The following TBL1XR1 variants were observed in gnomAD, a reference collection of about 807,000 sequenced individuals.
TBL1XR1 encodes TBL1X/Y related 1.
In TBL1XR1, 5 loss-of-function variants were observed where a neutral mutation model predicts 66.9. The observed-to-expected ratio is 0.07, with a 90% confidence interval of 0.04 to 0.16. The LOEUF (loss-of-function observed/expected upper bound fraction) is 0.16. TBL1XR1 is among the 10% of genes least tolerant of loss of function. TBL1XR1 has a pLI of 1.00. For missense variants in TBL1XR1, 238 were observed against 623.2 expected, an observed-to-expected ratio of 0.38 and a Z score of 6.58; for synonymous variants, 210 against 206.0, an observed-to-expected ratio of 1.02 and a Z score of -0.17.
upstream of TBL1XR1, among the ~76,000 whole-genome samples, chr3:177,198,653 G>C (rs1197008763): frequency 6.6e-6 from 1 of 152,136 alleles, no homozygotes; most frequent in Non-Finnish European, 1.5e-5. Context: ...GCTCAGGACT[G>C]GAGAAGCAGC....
intron 3 of TBL1XR1, among the ~76,000 whole-genome samples, chr3:177,064,113 T>C (rs1208717006): frequency 6.6e-6 from 1 of 152,206 alleles, no homozygotes; most frequent in East Asian, 1.9e-4. Flanking sequence ...ACCAAAATTA[T>C]CTTTTTTATG....
At chr3:177,143,482 T>A (rs1291393055) in intron 1 of TBL1XR1, among the ~76,000 whole-genome samples, 1 of 152,242 alleles carries the variant, frequency 6.6e-6, no homozygotes, top group Non-Finnish European at 1.5e-5. Context: ...TTTTTTACAG[T>A]ACGTGAAGTG....
intron 1 of TBL1XR1, among the ~76,000 whole-genome samples, chr3:177,178,809 TTTC>T (rs1734456351): frequency 6.6e-6 from 1 of 152,036 alleles, no homozygotes; most frequent in Non-Finnish European, 1.5e-5. Context: ...ACTGCTGTGG[TTTC>T]TTTTCTTTTA....
In TBL1XR1 at chr3:177,098,335, T is replaced by A. The variant is rs565501329; in HGVS notation, c.-46+131A>T. On this transcript the variant is annotated intron_variant, in intron 2 of 15. Transcript: ENST00000457928. ...ATATATTTAAAAAGAATAAAAAATT[T>A]AAAAAAAAAACACTTACTTAGCTTG... The A allele has an allele frequency of 3.2e-3, 940 of 292,166 alleles. 1 individual carries two copies. Among genetic ancestry groups the A allele is most frequent in the Non-Finnish European group, 4.1e-3 (810 of 197,520 alleles). 18.1% of individuals were successfully genotyped at this position (292,166 alleles called of 1,614,324 possible).
rs148798243 is a variant in TBL1XR1, at chr3:177,047,746, G to A, written c.703-197C>T. 9.0e-5 allele frequency: 51 copies of A among 567,010 alleles called. No individual in the cohort carries two copies. In the Middle Eastern group the frequency reaches 1.5e-3, roughly 16 times the overall value. 35.1% of individuals were successfully genotyped at this position (567,010 alleles called of 1,614,324 possible). ...CCACTGTGTGACACTAATGTTGTAT[G>A]GGGGCCTTATATCCAAAGTTCAACA... On this transcript the variant is annotated intron_variant, in intron 7 of 15. Transcript: ENST00000457928.
Position 177,186,351 on chromosome 3 carries a change from G to A in TBL1XR1, c.-122+10770C>T, listed in dbSNP as rs192979442. ...AAGAGCACTGCTACAGCTACAAATC[G>A]TATCCTAAAATCCTTATTTTTTATA... On this transcript the variant is annotated intron_variant, in intron 1 of 15. Coordinates refer to ENST00000457928, the MANE Select transcript of TBL1XR1 (RefSeq NM_024665.7). 1.6e-3 allele frequency among the ~76,000 whole-genome samples: 248 copies of A among 152,192 alleles called. 1 individual carries two copies. The highest frequency in any genetic ancestry group is 5.4e-3 in the African/African-American group (226 of 41,530).
intron 2 of TBL1XR1, among the ~76,000 whole-genome samples, chr3:177,066,907 C>G (rs1719239054): frequency 6.6e-6 from 1 of 152,140 alleles, no homozygotes; most frequent in Non-Finnish European, 1.5e-5. Flanking sequence ...AAGGTACCCT[C>G]TTCACCAAAA....
chr3:177,140,322 A>T (rs1276294080), intron 1 of TBL1XR1, among the ~76,000 whole-genome samples: 1 of 152,176 alleles, frequency 6.6e-6, no homozygotes, highest in Non-Finnish European at 1.5e-5. Context: ...AAGTACCTTG[A>T]ACGTATATTC....
intron 2 of TBL1XR1, among the ~76,000 whole-genome samples, chr3:177,096,741 T>C (rs183499744): frequency 1.3e-5 from 2 of 152,336 alleles, no homozygotes; most frequent in Admixed American, 1.3e-4. Flanking sequence ...TGAGAAACTC[T>C]AGTACTCCCT....
chr3:177,035,382 G>A (rs1388381771), intron 12 of TBL1XR1, among the ~76,000 whole-genome samples: 1 of 147,684 alleles, frequency 6.8e-6, no homozygotes, highest in African/African-American at 2.5e-5. Context: ...TTCTTACTCT[G>A]TACTACCTAC....
chr3:177,096,717 A>ATC (rs1273934562), intron 2 of TBL1XR1, among the ~76,000 whole-genome samples: 1 of 152,220 alleles, frequency 6.6e-6, no homozygotes, highest in Non-Finnish European at 1.5e-5. Flanking sequence ...TTTACCATGA[A>ATC]TCTGTTTCTT....
chr3:177,117,187 G>A (rs890659941), intron 1 of TBL1XR1, among the ~76,000 whole-genome samples: 1 of 152,174 alleles, frequency 6.6e-6, no homozygotes, highest in East Asian at 1.9e-4. Flanking sequence ...ATAATCTATA[G>A]TGGGTACTGG....
At chr3:177,181,387 T>C (rs2108969205) in intron 1 of TBL1XR1, among the ~76,000 whole-genome samples, 1 of 150,184 alleles carries the variant, frequency 6.7e-6, no homozygotes, top group East Asian at 2.0e-4. Flanking sequence ...GGCTGAGGCA[T>C]GAGAATCACC....
intron 1 of TBL1XR1, among the ~76,000 whole-genome samples, chr3:177,165,475 A>C (rs1732712731): frequency 6.6e-6 from 1 of 152,216 alleles, no homozygotes; most frequent in Non-Finnish European, 1.5e-5. Flanking sequence ...AATTTTGTGG[A>C]TATCAACAAA....
chr3:177,191,456 T>C (rs1173478312), intron 1 of TBL1XR1, among the ~76,000 whole-genome samples: 2 of 152,234 alleles, frequency 1.3e-5, no homozygotes, highest in Non-Finnish European at 2.9e-5. Context: ...CCCTACTACC[T>C]GAGCCTCAAT....
At chr3:177,137,945 G>A (rs996065652) in intron 1 of TBL1XR1, among the ~76,000 whole-genome samples, 1 of 152,228 alleles carries the variant, frequency 6.6e-6, no homozygotes. Flanking sequence ...ACTCCAAACT[G>A]CATGACAGAG....
rs377293673 is a variant in TBL1XR1 at position 177,164,495 on chromosome 3, G to A, written c.-122+32626C>T. Among the ~76,000 whole-genome samples, 26 of 151,892 alleles carry A rather than the reference G, an allele frequency of 1.7e-4. No homozygotes were observed. In the East Asian group the frequency reaches 1.9e-3, roughly 11 times the overall value. On this transcript the variant is annotated intron_variant, in intron 1 of 15. Transcript: ENST00000457928. Reference sequence around the variant, plus strand: ...CTCCCGAGTAGCTGGGATTACAAGCGCCTGCCACCATACCTGGCTAATTTT... The same window carrying A: ...CTCCCGAGTAGCTGGGATTACAAGCACCTGCCACCATACCTGGCTAATTTT...
intron 1 of TBL1XR1, among the ~76,000 whole-genome samples, chr3:177,156,570 T>C (rs9881492): frequency 0.033 from 4,888 of 148,470 alleles, 276 homozygotes; most frequent in African/African-American, 0.11. Context: ...TACACACACA[T>C]ACATTTATAT....
chr3:177,138,414 GTA>G, intron 1 of TBL1XR1, among the ~76,000 whole-genome samples: 1 of 152,214 alleles, frequency 6.6e-6, no homozygotes, highest in Middle Eastern at 3.4e-3. Context: ...GGGCAACATG[GTA>G]TGACTCCATC....
Sources: gnomAD v4.1 joint callset for allele counts (sites outside exome capture counted in the v4.1 genomes callset) on GRCh38, gnomAD v4.1.1 for gene constraint, MANE v1.5 for transcripts, NCBI Gene and HGNC (gene_info 2026-07-23, HGNC 2026-07-21) for gene names.